Variants in MIGA2 observed in about 807,000 individuals in gnomAD.
MIGA2 encodes mitoguardin 2.
MIGA2 carries 36 observed loss-of-function variants against 69.9 expected under a neutral mutation model. The ratio of observed to expected loss-of-function variants is 0.52; its 90% CI spans 0.39 to 0.68. The LOEUF is 0.68. Among genes scored for constraint, MIGA2 ranks in the 30% least tolerant of loss-of-function variants. MIGA2 has a pLI of 0.00. For synonymous variants in MIGA2, 333 were observed against 349.2 expected (o/e 0.95, Z 0.52); for missense variants, 660 against 787.7 (o/e 0.84, Z 1.94).
chr9:129,055,480 G>C (rs1025758510), intron 6 of MIGA2, among the ~76,000 whole-genome samples: 13 of 152,016 alleles, frequency 8.6e-5, no homozygotes, highest in African/African-American at 2.7e-4. Flanking sequence ...GTATCTCTAG[G>C]CTAAGTGGGT....
chr9:129,067,201 G>A (rs1236491766), intron 11 of MIGA2, among the ~76,000 whole-genome samples: 1 of 151,536 alleles, frequency 6.6e-6, no homozygotes, highest in Non-Finnish European at 1.5e-5. Flanking sequence ...AACACTTAGT[G>A]TTTTTCTACA....
chr9:129,053,776 G>A (rs750910666), intron 6 of MIGA2, among the ~76,000 whole-genome samples: 10 of 151,936 alleles, frequency 6.6e-5, no homozygotes, highest in Non-Finnish European at 1.2e-4. Context: ...GTTTGAGCCA[G>A]TGAGGGAGAA....
chr9:129,068,254 C>G lies in MIGA2; in HGVS notation c.1326C>G (p.Phe442Leu), dbSNP rs769728805. 1 of 1,613,452 alleles carries G rather than the reference C, an allele frequency of 6.2e-7. No homozygotes were observed. The highest frequency in any genetic ancestry group is 8.5e-7 in the Non-Finnish European group (1 of 1,180,000). Reference protein sequence around the residue: ...IVLDFILMDAFEDLENPPASV... With the variant: ...IVLDFILMDALEDLENPPASV... ...TGGACTTCATCCTCATGGACGCCTT[C>G]GAGGACCTGGAGAACCCTCCGGCCT... The change falls in exon 13 of 16, where the codon TTC (phenylalanine) becomes TTG (leucine). Residue 442 changes from phenylalanine (F) to leucine (L), a missense_variant. Coordinates refer to ENST00000684074, the MANE Select transcript of MIGA2 (RefSeq NM_001329990.2). This position sits in a 1 kb window ranked among gnomAD's most constrained non-coding sequence, Gnocchi z 4.1.
chr9:129,053,559 G>A (rs1314422371), intron 6 of MIGA2, among the ~76,000 whole-genome samples: 3 of 151,974 alleles, frequency 2.0e-5, no homozygotes, highest in Non-Finnish European at 4.4e-5. Context: ...TAGAGATGGA[G>A]TTTCACCATG....
At chr9:129,045,712 AG>A (rs1845183524) in intron 3 of MIGA2, among the ~76,000 whole-genome samples, 2 of 152,164 alleles carry the variant, frequency 1.3e-5, no homozygotes, top group Non-Finnish European at 2.9e-5. Context: ...ATTCAAGACC[AG>A]CCTGGGCAAC....
chr9:129,040,742 A>G, intron 2 of MIGA2, 52 bp downstream of exon 2: 2 of 1,525,780 alleles, frequency 1.3e-6, no homozygotes, highest in Non-Finnish European at 1.8e-6. Context: ...TTCCATGCTC[A>G]GCCAAGGGCT....
intron 1 of MIGA2, among the ~76,000 whole-genome samples, chr9:129,039,219 GTTTTA>G (rs1187957867): frequency 7.3e-5 from 10 of 136,614 alleles, no homozygotes; most frequent in Non-Finnish European, 9.3e-5. Context: ...GTGTGTGTGT[GTTTTA>G]TTTTATTTTA....
At chr9:129,043,817 C>G (rs768729863) in intron 3 of MIGA2, among the ~76,000 whole-genome samples, 43 of 152,098 alleles carry the variant, frequency 2.8e-4, no homozygotes, top group South Asian at 8.3e-4. Context: ...TCTTCTGCCT[C>G]AGCCTCCGGA....
At chr9:129,055,905 T>G (rs1365100964) in intron 6 of MIGA2, among the ~76,000 whole-genome samples, 2 of 151,382 alleles carry the variant, frequency 1.3e-5, no homozygotes, top group Non-Finnish European at 2.9e-5. Flanking sequence ...GTCCCAACAC[T>G]TAGGAGACCA....
Position 129,070,489 on chromosome 9 carries a change from T to G in MIGA2, c.*36T>G. On this transcript the variant is annotated 3_prime_UTR_variant, in exon 16 of 16. Transcript: ENST00000684074. The stretch of plus-strand genomic sequence containing the variant: ...GGCTGGGGGGTGGCAGAGAGAAGGC[T>G]CCTCCTCCCTTCCCTGGGTTGGTAT... 1 of 1,481,580 alleles carries G rather than the reference T, an allele frequency of 6.7e-7. No homozygotes were observed. Among genetic ancestry groups the G allele is most frequent in the Non-Finnish European group, 9.0e-7 (1 of 1,113,636 alleles). 91.8% of individuals were successfully genotyped at this position (1,481,580 alleles called of 1,614,324 possible). A position where few individuals can be genotyped will look rare whatever the true frequency, so the allele number is the denominator to read the frequency against.
rs917153725 is a variant in MIGA2 at position 129,049,242 on chromosome 9, T to C, written c.421-139T>C. On this transcript the variant is annotated intron_variant, in intron 4 of 15. Coordinates refer to ENST00000684074, the MANE Select transcript of MIGA2 (RefSeq NM_001329990.2). ...CAGGCCATTCTGAGGGTGTGGACGC[T>C]GTGGCTAGGAACAAGCTCAGGGATG... The C allele has an allele frequency of 6.6e-6, 5 of 759,062 alleles. No homozygotes were observed. The African/African-American group carries it at 8.7e-5, about 13-fold the overall frequency. The allele number at this position is 759,062 out of a possible 1,614,324, so 47.0% of individuals were successfully genotyped here.
rs775272445 is a variant in MIGA2, at chr9:129,061,372, G to A, written c.1010+26G>A. The A allele has an allele frequency of 6.6e-6, 4 of 604,388 alleles. No homozygotes were observed. The highest frequency in any genetic ancestry group is 1.4e-5 in the South Asian group (1 of 69,850). 37.4% of individuals were successfully genotyped at this position (604,388 alleles called of 1,614,324 possible). On this transcript the variant is annotated intron_variant, in intron 9 of 15. Transcript: ENST00000684074. This position sits in a 1 kb window ranked among gnomAD's most constrained non-coding sequence, Gnocchi z 5.0. ...GTGAGCAGGTGTGGAGGGAGGGAGG[G>A]AGGGAGCAGGAGGCGATGGGTGATT...
chr9:129,063,714 C>T (rs979988105), intron 11 of MIGA2, 83 bp downstream of exon 11: 5 of 1,370,396 alleles, frequency 3.6e-6, no homozygotes, highest in Non-Finnish European at 5.1e-6. Flanking sequence ...CAGAGGGAAC[C>T]CCTGTGCACA....
rs1053474532 is a variant in MIGA2 at position 129,061,063 on chromosome 9, G to A, written c.895-168G>A. Among the ~76,000 whole-genome samples the A allele has an allele frequency of 3.9e-5, 6 of 152,196 alleles. No homozygotes were observed. Among genetic ancestry groups the A allele is most frequent in the Non-Finnish European group, 7.3e-5 (5 of 68,034 alleles). On this transcript the variant is annotated intron_variant, in intron 8 of 15. Transcript: ENST00000684074. The surrounding 1 kb of genome is among the most constrained non-coding windows in gnomAD (Gnocchi z 5.0). ...GATGCTGAGGGCCAGAACTGGGCTC[G>A]AACTGGAGCCTCCTGGCCAGTGTTC...
chr9:129,057,535 C>T (rs1242709571), intron 6 of MIGA2, among the ~76,000 whole-genome samples: 1 of 151,940 alleles, frequency 6.6e-6, no homozygotes, highest in Non-Finnish European at 1.5e-5. Flanking sequence ...TCGTGATCCC[C>T]CTGACTTGGA....
At chr9:129,045,749 AAAAT>A (rs1279465764) in intron 3 of MIGA2, among the ~76,000 whole-genome samples, 1 of 152,190 alleles carries the variant, frequency 6.6e-6, no homozygotes, top group African/African-American at 2.4e-5. Flanking sequence ...CTCTGTTAAA[AAAAT>A]AAGAAGCAAA....
chr9:129,055,138 C>T (rs986411875), intron 6 of MIGA2, among the ~76,000 whole-genome samples: 7 of 149,014 alleles, frequency 4.7e-5, no homozygotes, highest in African/African-American at 1.7e-4. Context: ...AGTTCAGTGG[C>T]GCGATCTTGG....
Position 129,063,549 on chromosome 9 carries a change from T to C in MIGA2, c.1088T>C (p.Leu363Pro), listed in dbSNP as rs754497151. 1.4e-5 allele frequency: 23 copies of C among 1,613,614 alleles called. No homozygotes were observed. The highest frequency in any genetic ancestry group is 5.9e-6 in the Non-Finnish European group (7 of 1,179,800). The change falls in exon 11 of 16, where the codon CTT becomes CCT. Residue 363 changes from leucine (L) to proline (P), a missense_variant. Physicochemically the swap from Leu to Pro is moderately conservative, Grantham distance 98. This residue lies in a region of MIGA2 where 386 missense variants were observed against 402.0 expected (regional missense o/e 0.96). Transcript: ENST00000684074. ...CCTCCCTTCCTCCTTCCCTAGGGGC[T>C]TCTGGAAGACAAGAGTAACCAGCTT... is the stretch of plus-strand genomic sequence containing the variant. Reference protein sequence around the residue: ...LHCVRQAFEGLLEDKSNQLFF... With the variant: ...LHCVRQAFEGPLEDKSNQLFF...
At chr9:129,052,046 T>G (rs1001117259) in intron 6 of MIGA2, among the ~76,000 whole-genome samples, 2 of 152,104 alleles carry the variant, frequency 1.3e-5, no homozygotes, top group African/African-American at 4.8e-5. Flanking sequence ...CAGGATGGGC[T>G]TGATCTCCTG....
Sources: allele counts gnomAD v4.1 joint callset (sites outside exome capture counted in the v4.1 genomes callset), GRCh38; gene constraint gnomAD v4.1.1; regional missense constraint gnomAD v4.1.1; non-coding constraint Gnocchi (gnomAD v3.1); transcripts MANE v1.5; gene names NCBI Gene and HGNC (gene_info 2026-07-23, HGNC 2026-07-21).